The following DOCK3 variants were observed in gnomAD, a reference collection of about 807,000 sequenced individuals.
DOCK3 encodes the protein dedicator of cytokinesis protein 3.
Under a neutral mutation model 265.6 loss-of-function variants are expected in DOCK3, and 60 were observed. The ratio of observed to expected loss-of-function variants is 0.23; its 90% confidence interval spans 0.18 to 0.28. DOCK3 has a LOEUF of 0.28. Among genes scored for constraint, DOCK3 ranks in the 10% least tolerant of loss-of-function variants. The probability of loss-of-function intolerance (pLI) is 1.00; values close to 1 mark genes in which losing one functional copy is unlikely to be tolerated. For synonymous variants in DOCK3, 881 were observed against 938.0 expected, an observed-to-expected ratio of 0.94 and a Z score of 1.11; for missense variants, 1,981 against 2,594.3, an observed-to-expected ratio of 0.76 and a Z score of 5.14.
chr3:50,719,813 T>A, intron 1 of DOCK3: 2 of 783,252 alleles, frequency 2.6e-6, no homozygotes, highest in Non-Finnish European at 4.6e-6. Context: ...CTGGAATAAT[T>A]CTGTGAAAGC....
At chr3:51,187,026 G>A (rs2087648074) in intron 12 of DOCK3, among the ~76,000 whole-genome samples, 2 of 152,184 alleles carry the variant, frequency 1.3e-5, no homozygotes, top group South Asian at 2.1e-4. Flanking sequence ...TGTGAGAAGA[G>A]GGCCACCATC....
intron 10 of DOCK3, among the ~76,000 whole-genome samples, chr3:51,147,129 A>G (rs1560124418): frequency 6.6e-6 from 1 of 150,962 alleles, no homozygotes; most frequent in Non-Finnish European, 1.5e-5. Context: ...AAAAAAAAAC[A>G]AAAAAAAATA....
chr3:50,724,510 C>T (rs1318479508), intron 1 of DOCK3, among the ~76,000 whole-genome samples: 1 of 152,044 alleles, frequency 6.6e-6, no homozygotes, highest in Non-Finnish European at 1.5e-5. Context: ...ACTATGCAGC[C>T]ATAAAAAAGG....
At chr3:50,879,680 G>A (rs1002264657) in intron 3 of DOCK3, among the ~76,000 whole-genome samples, 1 of 152,118 alleles carries the variant, frequency 6.6e-6, no homozygotes, top group African/African-American at 2.4e-5. Context: ...CAATAATAAT[G>A]GGAGACTTTT....
intron 9 of DOCK3, among the ~76,000 whole-genome samples, chr3:51,141,192 CTTTT>C (rs59473694): frequency 6.9e-6 from 1 of 144,282 alleles, no homozygotes; most frequent in Non-Finnish European, 1.5e-5. Context: ...TATTTTCTTT[CTTTT>C]TTTTTTTTTT....
At chr3:50,946,887 T>C (rs1211974355) in intron 5 of DOCK3, among the ~76,000 whole-genome samples, 2 of 152,238 alleles carry the variant, frequency 1.3e-5, no homozygotes, top group African/African-American at 4.8e-5. Flanking sequence ...ATTCCAGGGA[T>C]GTCAGGATGC....
chr3:50,681,640 T>G (rs1340661484), intron 1 of DOCK3, among the ~76,000 whole-genome samples: 1 of 152,240 alleles, frequency 6.6e-6, no homozygotes, highest in Non-Finnish European at 1.5e-5. Flanking sequence ...TACTTGCAGT[T>G]GATTTGCTAT....
chr3:51,307,217 GA>G (rs1379545879), intron 27 of DOCK3, among the ~76,000 whole-genome samples: 1 of 152,060 alleles, frequency 6.6e-6, no homozygotes, highest in East Asian at 1.9e-4. Context: ...CTGGACTCAA[GA>G]AATCCTCCCA....
chr3:51,136,836 G>A (rs1409156211), intron 9 of DOCK3, among the ~76,000 whole-genome samples: 1 of 151,972 alleles, frequency 6.6e-6, no homozygotes, highest in Non-Finnish European at 1.5e-5. Context: ...AACTATGGAG[G>A]ATTCCTGCAT....
chr3:50,736,144 T>C (rs562845882), intron 1 of DOCK3, among the ~76,000 whole-genome samples: 29 of 152,278 alleles, frequency 1.9e-4, no homozygotes, highest in Non-Finnish European at 2.8e-4. Context: ...AGTGAGAACA[T>C]GCAGTGTTTG....
chr3:50,947,947 C>T (rs886914794), intron 5 of DOCK3, among the ~76,000 whole-genome samples: 4 of 149,290 alleles, frequency 2.7e-5, no homozygotes, highest in Non-Finnish European at 4.4e-5. Flanking sequence ...GCTCCACCTC[C>T]CAGGTTCATG....
intron 12 of DOCK3, among the ~76,000 whole-genome samples, chr3:51,183,466 T>C (rs1479015946): frequency 6.6e-6 from 1 of 151,850 alleles, no homozygotes; most frequent in Non-Finnish European, 1.5e-5. Flanking sequence ...AAGAGGGACT[T>C]TGGGCTGTAC....
At chr3:50,863,400 C>G (rs2047002149) in intron 3 of DOCK3, 1 of 519,446 alleles carries the variant, frequency 1.9e-6, no homozygotes, top group South Asian at 1.4e-5. Flanking sequence ...TCACCAATAG[C>G]ATAGCTCTGG....
chr3:50,681,366 A>T (rs1232296045), intron 1 of DOCK3, among the ~76,000 whole-genome samples: 2 of 152,110 alleles, frequency 1.3e-5, no homozygotes, highest in Non-Finnish European at 1.5e-5. Context: ...GAATTTTTTA[A>T]AATTTTTGTG....
rs2042395620 is a variant in DOCK3 at position 50,790,212 on chromosome 3, G to A, written c.121+11454G>A. Reference sequence around the variant, plus strand: ...ATATGAGTCCTTATATGTTAGGTGAGTCTCTTGAAGACAACAGATGCATGG... The same window carrying A: ...ATATGAGTCCTTATATGTTAGGTGAATCTCTTGAAGACAACAGATGCATGG... On this transcript the variant is annotated intron_variant, in intron 2 of 52. Transcript: ENST00000266037. 2.0e-5 allele frequency among the ~76,000 whole-genome samples: 3 copies of A among 152,122 alleles called. No homozygotes were observed. The South Asian group carries it at 6.2e-4, about 31-fold the overall frequency.
intron 4 of DOCK3, among the ~76,000 whole-genome samples, chr3:50,891,387 T>C (rs1461783767): frequency 1.3e-5 from 2 of 152,110 alleles, no homozygotes; most frequent in Non-Finnish European, 2.9e-5. Flanking sequence ...ACAACTAGCA[T>C]ACTTCTTATT....
intron 49 of DOCK3, among the ~76,000 whole-genome samples, chr3:51,366,267 G>T (rs2087155656): frequency 6.6e-6 from 1 of 152,000 alleles, no homozygotes; most frequent in African/African-American, 2.4e-5. Flanking sequence ...TTTCTAGTTT[G>T]TTTGCATAGA....
chr3:51,135,910 A>G (rs1158939634), intron 9 of DOCK3, among the ~76,000 whole-genome samples: 1 of 152,016 alleles, frequency 6.6e-6, no homozygotes, highest in African/African-American at 2.4e-5. Context: ...GGATCTCGCC[A>G]TATTTCCAAA....
At chr3:51,040,352 G>A (rs865927481) in intron 5 of DOCK3, among the ~76,000 whole-genome samples, 3 of 152,044 alleles carry the variant, frequency 2.0e-5, no homozygotes, top group Non-Finnish European at 4.4e-5. Flanking sequence ...AATAAAGCAA[G>A]TCACATGAAT....
Sources: gnomAD v4.1 joint callset for allele counts (sites outside exome capture counted in the v4.1 genomes callset) on GRCh38, gnomAD v4.1.1 for gene constraint, MANE v1.5 for transcripts, NCBI Gene and HGNC (gene_info 2026-07-23, HGNC 2026-07-21) for gene names.